Variants in COL5A2 observed in about 807,000 individuals in gnomAD.
COL5A2 encodes the protein collagen alpha-2(V) chain.
Under a neutral mutation model 208.2 loss-of-function variants are expected in COL5A2, and 23 were observed. The ratio of observed to expected loss-of-function variants is 0.11; its 90% CI spans 0.08 to 0.16. The LOEUF (loss-of-function observed/expected upper bound fraction) is 0.16, where lower values mean the gene tolerates loss of function less well. Ranked by LOEUF, COL5A2 falls within the 10% of genes least tolerant of loss-of-function variation. COL5A2 has a pLI of 1.00. For missense variants in COL5A2, 1,590 were observed against 1,956.4 expected (o/e 0.81, Z 3.53); for synonymous variants, 625 against 628.5 (o/e 0.99, Z 0.08).
chr2:189,377,440 C>T, the COL5A2 span, among the ~76,000 whole-genome samples: 2 of 152,156 alleles, frequency 1.3e-5, no homozygotes, highest in African/African-American at 4.8e-5. Flanking sequence ...AAACTAGATA[C>T]ATGGTCCTCA....
chr2:189,087,730 G>T (rs949152741), intron 8 of COL5A2, among the ~76,000 whole-genome samples: 2 of 150,290 alleles, frequency 1.3e-5, no homozygotes, highest in African/African-American at 4.9e-5. Context: ...GCCTCCCAAA[G>T]TGCTGGGAGA....
rs1159825997 is a variant in COL5A2 at position 189,093,730 on chromosome 2, CCTAAACTA to C, written c.457-1318_457-1311del. ...TTTAAAAATCAAAACTTTTCTGACT[CCTAAACTA>C]CTAACAATTTACTTCACACTTCATT... On this transcript the variant is annotated intron_variant, in intron 6 of 53. Transcript: ENST00000374866. 3.3e-5 allele frequency among the ~76,000 whole-genome samples: 5 copies of C among 152,072 alleles called. No individual in the cohort carries two copies. The East Asian group carries it at 9.6e-4, about 29-fold the overall frequency.
chr2:189,284,670 G>A, the COL5A2 span, among the ~76,000 whole-genome samples: 1 of 152,056 alleles, frequency 6.6e-6, no homozygotes, highest in East Asian at 1.9e-4. Flanking sequence ...ATATCACCAA[G>A]TATTGACTAA....
intron 26 of COL5A2, 130 bp from the exon 27 acceptor site, chr2:189,063,400 A>C (rs574043202): frequency 1.8e-4 from 144 of 794,530 alleles, no homozygotes; most frequent in Non-Finnish European, 2.9e-4. Flanking sequence ...CATGTTAAAG[A>C]ATCAGGACAG....
the COL5A2 span, among the ~76,000 whole-genome samples, chr2:189,249,393 A>C: frequency 6.6e-6 from 1 of 152,198 alleles, no homozygotes; most frequent in Non-Finnish European, 1.5e-5. Flanking sequence ...CTAATTTATA[A>C]ATAGGGAGTA....
chr2:189,362,023 A>C, the COL5A2 span, among the ~76,000 whole-genome samples: 1 of 152,094 alleles, frequency 6.6e-6, no homozygotes. Context: ...TATTCTTTAT[A>C]CTTAAGACAT....
At chr2:189,217,494 T>C (rs1022478250) in intron 1 of COL5A2, among the ~76,000 whole-genome samples, 1 of 152,160 alleles carries the variant, frequency 6.6e-6, no homozygotes, top group African/African-American at 2.4e-5. Flanking sequence ...ACTTTTGATT[T>C]AGTGAGATTT....
At chr2:189,156,609 C>T (rs1208903930) in intron 1 of COL5A2, among the ~76,000 whole-genome samples, 1 of 152,016 alleles carries the variant, frequency 6.6e-6, no homozygotes, top group Non-Finnish European at 1.5e-5. Context: ...AAGACATAGG[C>T]TTTTATAAGC....
intron 26 of COL5A2, 56 bp from the exon 27 acceptor site, chr2:189,063,326 A>G (rs1363081065): frequency 1.4e-6 from 2 of 1,397,558 alleles, no homozygotes; most frequent in Non-Finnish European, 2.0e-6. Flanking sequence ...TAAACATAGC[A>G]TCACCCAAAG....
chr2:189,173,028 T>G (rs534265147), intron 1 of COL5A2, among the ~76,000 whole-genome samples: 2 of 145,630 alleles, frequency 1.4e-5, no homozygotes, highest in African/African-American at 5.1e-5. Context: ...TGGAGTGCAG[T>G]GGCATGATCT....
the COL5A2 span, among the ~76,000 whole-genome samples, chr2:189,342,895 A>C: frequency 2.2e-4 from 33 of 152,246 alleles, no homozygotes; most frequent in African/African-American, 7.7e-4. Context: ...CTTCATGCTT[A>C]ACTATATTTA....
chr2:189,240,077 CAAGTT>C, the COL5A2 span, among the ~76,000 whole-genome samples: 1 of 152,086 alleles, frequency 6.6e-6, no homozygotes, highest in Non-Finnish European at 1.5e-5. Context: ...CCAAACAAGT[CAAGTT>C]AATGATATAC....
the COL5A2 span, among the ~76,000 whole-genome samples, chr2:189,424,103 T>C: frequency 6.6e-6 from 1 of 152,116 alleles, no homozygotes; most frequent in South Asian, 2.1e-4. Context: ...CACAATTATA[T>C]CATTTCAATA....
the COL5A2 span, among the ~76,000 whole-genome samples, chr2:189,305,613 T>C: frequency 6.6e-6 from 1 of 152,144 alleles, no homozygotes; most frequent in Non-Finnish European, 1.5e-5. Context: ...TACCCAGTCT[T>C]TGGTATTTTG....
the COL5A2 span, among the ~76,000 whole-genome samples, chr2:189,363,265 T>C: frequency 6.6e-6 from 1 of 152,108 alleles, no homozygotes; most frequent in Non-Finnish European, 1.5e-5. Context: ...GCATCTAAAG[T>C]TTCTCCATTA....
At chr2:189,066,613 A>C in intron 22 of COL5A2, 116 bp from the exon 23 acceptor site, 5 of 1,333,818 alleles carry the variant, frequency 3.7e-6, no homozygotes, top group Non-Finnish European at 5.4e-6. Flanking sequence ...ACAATGAGAT[A>C]TTTTCATCTC....
intron 1 of COL5A2, among the ~76,000 whole-genome samples, chr2:189,222,751 G>C (rs1689363778): frequency 1.3e-5 from 2 of 152,180 alleles, no homozygotes; most frequent in Non-Finnish European, 2.9e-5. Flanking sequence ...AGGGGCAGTT[G>C]TGTTTGTAGT....
Position 189,041,690 on chromosome 2 carries a change from G to A in COL5A2, c.3529C>T (p.Pro1177Ser), listed in dbSNP as rs367939836. The change falls in exon 50 of 54, where the codon CCT becomes TCT. Residue 1177 changes from proline to serine, a missense_variant. Coordinates refer to ENST00000374866, the MANE Select transcript of COL5A2 (RefSeq NM_000393.5). ...GIPGPFGPRG[P>S]PGPVGPSGKE... ...CCTGAAGGACCAACTGGGCCTGGAG[G>A]ACCCTGCAAGAAACAAAGACTGTAG... 9 of 1,612,460 alleles carry A rather than the reference G, an allele frequency of 5.6e-6. No individual in the cohort carries two copies. The highest frequency in any genetic ancestry group is 6.8e-6 in the Non-Finnish European group (8 of 1,178,634).
At chr2:189,150,676 T>C (rs569123667) in intron 1 of COL5A2, among the ~76,000 whole-genome samples, 26 of 152,264 alleles carry the variant, frequency 1.7e-4, no homozygotes, top group Non-Finnish European at 2.5e-4. Context: ...CAATAAATGT[T>C]TCTTGATGTT....
Sources: gnomAD v4.1 joint callset for allele counts (sites outside exome capture counted in the v4.1 genomes callset) on GRCh38, gnomAD v4.1.1 for gene constraint, MANE v1.5 for transcripts, NCBI Gene and HGNC (gene_info 2026-07-23, HGNC 2026-07-21) for gene names.